The following RPS6KC1 variants were observed in gnomAD, a reference collection of about 807,000 sequenced individuals.
The protein encoded by RPS6KC1 is ribosomal protein S6 kinase C1.
RPS6KC1 carries 54 observed loss-of-function variants against 103.8 expected under a neutral mutation model. The ratio of observed to expected loss-of-function variants is 0.52; its 90% CI spans 0.42 to 0.65. The LOEUF (loss-of-function observed/expected upper bound fraction) is 0.65, where lower values mean the gene tolerates loss of function less well. Ranked by LOEUF, RPS6KC1 falls within the 30% of genes least tolerant of loss-of-function variation. RPS6KC1 has a pLI of 0.00. For synonymous variants in RPS6KC1, 439 were observed against 438.7 expected (o/e 1.00, Z -0.01); for missense variants, 1,151 against 1,253.8 (o/e 0.92, Z 1.24).
chr1:213,271,022 A>G (rs959027832), intron 14 of RPS6KC1, among the ~76,000 whole-genome samples: 1 of 152,232 alleles, frequency 6.6e-6, no homozygotes, highest in Non-Finnish European at 1.5e-5. Flanking sequence ...AAGTTTGGCA[A>G]TTTTATAAAA....
chr1:213,157,018 T>C (rs977507935), intron 6 of RPS6KC1, among the ~76,000 whole-genome samples: 1 of 152,188 alleles, frequency 6.6e-6, no homozygotes, highest in Non-Finnish European at 1.5e-5. Flanking sequence ...ATTTGATATC[T>C]TGTTTTCAAT....
At chr1:213,778,891 C>T in the RPS6KC1 span, among the ~76,000 whole-genome samples, 7 of 152,108 alleles carry the variant, frequency 4.6e-5, no homozygotes, top group African/African-American at 1.2e-4. Flanking sequence ...TCCACCCCAC[C>T]GCCCCACTCC....
In RPS6KC1 at chr1:213,093,150, A is replaced by G. The variant is rs17020161; in HGVS notation, c.263-11304A>G. ...TCATTTGTAATGTTTGATAACTGTAATGAACCTTGTAGGCAGCAGCTGTGG... is the reference window on the plus strand; with the variant it reads ...TCATTTGTAATGTTTGATAACTGTAGTGAACCTTGTAGGCAGCAGCTGTGG... On this transcript the variant is annotated intron_variant, in intron 3 of 14. Transcript: ENST00000366960. Among the ~76,000 whole-genome samples, 422 of 152,040 alleles carry G rather than the reference A, an allele frequency of 2.8e-3. 4 individuals are homozygous for G. The highest frequency in any genetic ancestry group is 9.7e-3 in the African/African-American group (403 of 41,454).
At chr1:213,475,689 G>C in the RPS6KC1 span, among the ~76,000 whole-genome samples, 1 of 152,138 alleles carries the variant, frequency 6.6e-6, no homozygotes, top group Non-Finnish European at 1.5e-5. Flanking sequence ...ATGGGTCACT[G>C]TTTGAGCTTC....
chr1:213,594,170 A>G, the RPS6KC1 span, among the ~76,000 whole-genome samples: 3 of 152,280 alleles, frequency 2.0e-5, no homozygotes, highest in East Asian at 5.8e-4. Flanking sequence ...CAGCCTAAAA[A>G]TGGAAGCAAT....
chr1:213,406,874 G>A, the RPS6KC1 span, among the ~76,000 whole-genome samples: 1 of 152,176 alleles, frequency 6.6e-6, no homozygotes, highest in Admixed American at 6.5e-5. Context: ...TCCTGAGAGG[G>A]CATGATTATC....
chr1:213,165,271 C>T (rs369277184), intron 6 of RPS6KC1, among the ~76,000 whole-genome samples: 10 of 152,066 alleles, frequency 6.6e-5, no homozygotes, highest in Admixed American at 2.0e-4. Context: ...TGCTCTGTTG[C>T]CCGGGCTGGA....
the RPS6KC1 span, among the ~76,000 whole-genome samples, chr1:213,282,617 A>G: frequency 6.6e-6 from 1 of 152,254 alleles, no homozygotes; most frequent in Non-Finnish European, 1.5e-5. Context: ...TTCTATGCGA[A>G]GGGTCTTTCC....
the RPS6KC1 span, among the ~76,000 whole-genome samples, chr1:213,621,336 A>G: frequency 6.7e-6 from 1 of 149,404 alleles, no homozygotes; most frequent in South Asian, 2.1e-4. Context: ...CACGCCAAGT[A>G]TTCTTGAGGC....
At chr1:213,183,086 A>G (rs995454161) in intron 8 of RPS6KC1, among the ~76,000 whole-genome samples, 4 of 152,020 alleles carry the variant, frequency 2.6e-5, no homozygotes, top group African/African-American at 9.7e-5. Context: ...CAGAGAGGAC[A>G]TTAGATAATG....
chr1:213,165,140 T>C (rs529839239), intron 6 of RPS6KC1, among the ~76,000 whole-genome samples: 1 of 152,284 alleles, frequency 6.6e-6, no homozygotes, highest in South Asian at 2.1e-4. Flanking sequence ...AGCAGAAATC[T>C]TCAAGAGATA....
the RPS6KC1 span, among the ~76,000 whole-genome samples, chr1:213,589,938 GGTGTGTGTGTGTGT>G: frequency 7.1e-4 from 94 of 132,824 alleles, no homozygotes; most frequent in Admixed American, 1.8e-3. Context: ...AAAAGGTAGT[GGTGTGTGTGTGTGT>G]GTGTGTGTGT....
At chr1:213,689,338 C>T in the RPS6KC1 span, among the ~76,000 whole-genome samples, 1 of 152,204 alleles carries the variant, frequency 6.6e-6, no homozygotes, top group East Asian at 1.9e-4. Context: ...TCTACTCCAC[C>T]CCATCCCATG....
chr1:213,309,438 G>T, the RPS6KC1 span, among the ~76,000 whole-genome samples: 1 of 152,188 alleles, frequency 6.6e-6, no homozygotes, highest in Admixed American at 6.5e-5. Context: ...TTAAAAAAAT[G>T]GTCTGCTGTG....
the RPS6KC1 span, among the ~76,000 whole-genome samples, chr1:213,401,007 C>G: frequency 2.6e-5 from 4 of 152,050 alleles, no homozygotes; most frequent in African/African-American, 9.7e-5. Flanking sequence ...GTGCTCGTCC[C>G]CTTTTGTTCT....
At position 213,241,273 on chromosome 1, in the gene RPS6KC1, A is replaced by C; in HGVS notation, c.1797A>C (p.Glu599Asp). 6.2e-7 allele frequency: 1 copy of C among 1,613,906 alleles called. No individual in the cohort carries two copies. Among genetic ancestry groups the C allele is most frequent in the Non-Finnish European group, 8.5e-7 (1 of 1,179,914 alleles). The change falls in exon 11 of 15, where the codon GAA (glutamate) becomes GAC (aspartate). Residue 599 changes from glutamate (E) to aspartate (D), a missense_variant. This residue lies in a region of RPS6KC1 where 959 missense variants were observed against 1,006.3 expected (regional missense o/e 0.95). Transcript: ENST00000366960. ...GTAGATCAAAAAATAGCCCCATGGA[A>C]TTCTTTAGGATAGACAGTAAGGATA... ...SLSRSKNSPM[E>D]FFRIDSKDSA...
At chr1:213,092,938 T>G (rs1265046542) in intron 3 of RPS6KC1, among the ~76,000 whole-genome samples, 1 of 152,110 alleles carries the variant, frequency 6.6e-6, no homozygotes, top group Non-Finnish European at 1.5e-5. Flanking sequence ...ATAGCTGGCT[T>G]CTTAAAAAAG....
the RPS6KC1 span, among the ~76,000 whole-genome samples, chr1:213,780,300 G>C: frequency 3.3e-5 from 5 of 152,198 alleles, no homozygotes. Flanking sequence ...GCCAAATTAT[G>C]CTGGGGCAAA....
chr1:213,514,803 AC>A, the RPS6KC1 span, among the ~76,000 whole-genome samples: 1 of 152,350 alleles, frequency 6.6e-6, no homozygotes, highest in African/African-American at 2.4e-5. Context: ...AGGAATCGCC[AC>A]ACTGACTTCC....
Sources: gnomAD v4.1 joint callset for allele counts (sites outside exome capture counted in the v4.1 genomes callset) on GRCh38, gnomAD v4.1.1 for gene constraint, gnomAD v4.1.1 regional missense constraint, MANE v1.5 for transcripts, NCBI Gene and HGNC (gene_info 2026-07-23, HGNC 2026-07-21) for gene names.